The following CDC42SE2 variants were observed in gnomAD, a reference collection of about 807,000 sequenced individuals.
CDC42SE2 encodes CDC42 small effector 2, also known as CDC42 small effector protein 2.
A neutral mutation model predicts 11.5 loss-of-function variants in CDC42SE2; 3 were observed. The observed-to-expected ratio is 0.26, with a 90% CI of 0.12 to 0.67. The LOEUF (loss-of-function observed/expected upper bound fraction) is 0.67, where lower values mean the gene tolerates loss of function less well. Ranked by LOEUF, CDC42SE2 falls within the 30% of genes least tolerant of loss-of-function variation. The pLI, the probability that CDC42SE2 is intolerant of heterozygous loss-of-function variation, is 0.80. For synonymous variants in CDC42SE2, 33 were observed against 34.8 expected (o/e 0.95, Z 0.18); for missense variants, 82 against 106.8 (o/e 0.77, Z 1.02).
intron 2 of CDC42SE2, among the ~76,000 whole-genome samples, chr5:131,346,856 A>G (rs1038686368): frequency 2.6e-5 from 4 of 152,216 alleles, no homozygotes; most frequent in African/African-American, 9.7e-5. Context: ...AACTCACTCA[A>G]AATCACTCAA....
the CDC42SE2 span, among the ~76,000 whole-genome samples, chr5:131,230,826 G>A: frequency 6.0e-4 from 91 of 152,296 alleles, no homozygotes; most frequent in Non-Finnish European, 1.3e-3. Flanking sequence ...CACCTATTGA[G>A]ACGTTAATAT....
chr5:131,242,503 CT>C (rs34046665), upstream of CDC42SE2, among the ~76,000 whole-genome samples: 3 of 152,142 alleles, frequency 2.0e-5, no homozygotes, highest in South Asian at 4.1e-4. Context: ...TTTATGACTC[CT>C]TTTTTTCATG....
intron 3 of CDC42SE2, among the ~76,000 whole-genome samples, chr5:131,377,828 AG>A (rs1419774153): frequency 6.6e-6 from 1 of 152,278 alleles, no homozygotes; most frequent in Admixed American, 6.5e-5. Flanking sequence ...AGACTTCATT[AG>A]AATTGGCATT....
intron 1 of CDC42SE2, among the ~76,000 whole-genome samples, chr5:131,281,195 T>G (rs2149702002): frequency 6.6e-6 from 1 of 152,354 alleles, no homozygotes; most frequent in Middle Eastern, 3.4e-3. Context: ...TCGTCCTTTC[T>G]GTGTTGTATC....
intron 4 of CDC42SE2, 89 bp from the exon 5 acceptor site, chr5:131,390,904 A>G (rs1376155681): frequency 6.3e-6 from 5 of 791,578 alleles, no homozygotes; most frequent in Admixed American, 5.0e-5. Flanking sequence ...AAGCAGCCCA[A>G]ATAAAATTCT....
the CDC42SE2 span, among the ~76,000 whole-genome samples, chr5:131,236,495 T>C: frequency 4.6e-5 from 7 of 152,076 alleles, no homozygotes; most frequent in Admixed American, 4.6e-4. Flanking sequence ...GGCATGATCT[T>C]GGCTCACTGC....
chr5:131,296,640 C>T (rs918714418), intron 1 of CDC42SE2, among the ~76,000 whole-genome samples: 3 of 152,080 alleles, frequency 2.0e-5, no homozygotes, highest in Non-Finnish European at 4.4e-5. Flanking sequence ...ATTAGGGGCC[C>T]ACTCTACTCC....
At chr5:131,329,188 G>T (rs772179585) in intron 2 of CDC42SE2, among the ~76,000 whole-genome samples, 3 of 152,196 alleles carry the variant, frequency 2.0e-5, no homozygotes, top group Non-Finnish European at 4.4e-5. Context: ...GGCAATCAAG[G>T]GGGAGGGAAA....
chr5:131,297,996 A>ATAAAATATGAGTTATTTGTAAAAT (rs1757606668), intron 1 of CDC42SE2, among the ~76,000 whole-genome samples: 1 of 152,162 alleles, frequency 6.6e-6, no homozygotes, highest in Admixed American at 6.5e-5. Context: ...GAGTAGTTTC[A>ATAAAATATGAGTTATTTGTAAAAT]CTGAGTTATT....
In CDC42SE2 at chr5:131,393,422, A is replaced by C. The variant is rs1027828523; in HGVS notation, c.*2331A>C. On this transcript the variant is annotated 3_prime_UTR_variant, in exon 5 of 5. Coordinates refer to ENST00000505065, the MANE Select transcript of CDC42SE2 (RefSeq NM_001375635.1). ...TGTGTCAATCCCAAGCACAGAGAGG[A>C]TCTGCCAAGGAAAAACATTTGCATC... 6.6e-6 allele frequency: 1 copy of C among 152,374 alleles called. No individual in the cohort carries two copies. Among genetic ancestry groups the C allele is most frequent in the Admixed American group, 6.5e-5 (1 of 15,290 alleles). 9.4% of individuals were successfully genotyped at this position (152,374 alleles called of 1,614,324 possible).
intron 2 of CDC42SE2, among the ~76,000 whole-genome samples, chr5:131,329,320 CCAG>C (rs1160981): frequency 0.23 from 35,560 of 151,912 alleles, 4,468 homozygotes; most frequent in East Asian, 0.48. Context: ...TTTGGTATCA[CCAG>C]CAGTTTTTGT....
At chr5:131,225,851 G>T in the CDC42SE2 span, among the ~76,000 whole-genome samples, 1 of 152,158 alleles carries the variant, frequency 6.6e-6, no homozygotes, top group African/African-American at 2.4e-5. Context: ...AAAAAGGTAA[G>T]ATCTTACCAA....
At chr5:131,322,761 G>C (rs1561584468) in intron 2 of CDC42SE2, among the ~76,000 whole-genome samples, 1 of 152,134 alleles carries the variant, frequency 6.6e-6, no homozygotes, top group Non-Finnish European at 1.5e-5. Flanking sequence ...GTATGAATGT[G>C]GGTGGGCAAA....
intron 1 of CDC42SE2, among the ~76,000 whole-genome samples, chr5:131,290,492 T>G (rs545420726): frequency 8.1e-5 from 12 of 147,850 alleles, no homozygotes; most frequent in South Asian, 4.3e-4. Flanking sequence ...TTTTGTTTTT[T>G]TTTTTTTTGA....
chr5:131,320,597 C>G (rs557503741), intron 2 of CDC42SE2, among the ~76,000 whole-genome samples: 84 of 151,594 alleles, frequency 5.5e-4, no homozygotes, highest in Middle Eastern at 3.4e-3. Flanking sequence ...CAAAAATTAG[C>G]CAGGCATGGT....
chr5:131,361,906 G>A (rs975390322), intron 3 of CDC42SE2, among the ~76,000 whole-genome samples: 14 of 152,058 alleles, frequency 9.2e-5, no homozygotes, highest in Non-Finnish European at 2.1e-4. Context: ...TCTTTTCACC[G>A]TCTAACCGCT....
chr5:131,281,038 T>A (rs1436859124), intron 1 of CDC42SE2, among the ~76,000 whole-genome samples: 1 of 152,228 alleles, frequency 6.6e-6, no homozygotes, highest in Admixed American at 6.5e-5. Flanking sequence ...GTTCCAAATT[T>A]GTCAAGTGGT....
At chr5:131,337,179 T>G (rs979650904) in intron 2 of CDC42SE2, among the ~76,000 whole-genome samples, 1 of 152,240 alleles carries the variant, frequency 6.6e-6, no homozygotes, top group Non-Finnish European at 1.5e-5. Context: ...TTAGTTTTCC[T>G]TCTAACAGTC....
rs982876387 is a variant in CDC42SE2 at position 131,292,575 on chromosome 5, A to G, written c.-454-23401A>G. On this transcript the variant is annotated intron_variant, in intron 1 of 4. Coordinates refer to ENST00000505065, the MANE Select transcript of CDC42SE2 (RefSeq NM_001375635.1). ...ACTCCATCTCAAAAAAAAAAAAAAA[A>G]CAAAAAACAAAAAACTTGGTAATTT... Among the ~76,000 whole-genome samples, 3 of 134,664 alleles carry G rather than the reference A, an allele frequency of 2.2e-5. No individual in the cohort carries two copies. In the Admixed American group the frequency reaches 2.2e-4, roughly 10 times the overall value. 88.3% of individuals were successfully genotyped at this position (134,664 alleles called of 152,430 possible). A position where few individuals can be genotyped will look rare whatever the true frequency, so the allele number is the denominator to read the frequency against.
Sources: allele counts gnomAD v4.1 joint callset (sites outside exome capture counted in the v4.1 genomes callset), GRCh38; gene constraint gnomAD v4.1.1; transcripts MANE v1.5; gene names NCBI Gene and HGNC (gene_info 2026-07-23, HGNC 2026-07-21).